Variants in MED13L observed in about 807,000 individuals in gnomAD.
The protein encoded by MED13L is mediator complex subunit 13L.
MED13L carries 7 observed loss-of-function variants against 220.9 expected under a neutral mutation model. That is an observed-to-expected ratio of 0.03 (90% CI 0.02 to 0.06). The LOEUF is 0.06. MED13L is among the 10% of genes least tolerant of loss of function. The pLI, the probability that MED13L is intolerant of heterozygous loss-of-function variation, is 1.00. For missense variants in MED13L, 1,965 were observed against 2,760.5 expected, an observed-to-expected ratio of 0.71 and a Z score of 6.46; for synonymous variants, 1,011 against 1,015.2, an observed-to-expected ratio of 1.00 and a Z score of 0.08.
intron 2 of MED13L, among the ~76,000 whole-genome samples, chr12:116,117,839 G>A (rs1004364971): frequency 3.9e-5 from 6 of 151,984 alleles, no homozygotes; most frequent in African/African-American, 7.2e-5. Context: ...ACAGGGTCTC[G>A]CTCTTTCACC....
chr12:115,972,980 C>G (rs558464697), intron 25 of MED13L, among the ~76,000 whole-genome samples: 1 of 152,126 alleles, frequency 6.6e-6, no homozygotes, highest in Non-Finnish European at 1.5e-5. Context: ...GCTTTCGGAT[C>G]CCATCTTGCT....
chr12:115,961,119 T>C lies in MED13L; in HGVS notation c.*147A>G, dbSNP rs1875728398. Reference sequence around the variant, plus strand: ...GGTAATGAACACTGCAGAATTGACATGTGCCTGCTGAGAAGGAATCACAGT... The same window carrying C: ...GGTAATGAACACTGCAGAATTGACACGTGCCTGCTGAGAAGGAATCACAGT... On this transcript the variant is annotated 3_prime_UTR_variant, in exon 31 of 31. Transcript: ENST00000281928. The C allele has an allele frequency of 1.9e-6, 2 of 1,044,584 alleles. No homozygotes were observed. Among genetic ancestry groups the C allele is most frequent in the Admixed American group, 1.9e-5 (1 of 51,530 alleles). 64.7% of individuals were successfully genotyped at this position (1,044,584 alleles called of 1,614,324 possible).
At chr12:116,150,253 C>G (rs1412185734) in intron 2 of MED13L, among the ~76,000 whole-genome samples, 1 of 152,214 alleles carries the variant, frequency 6.6e-6, no homozygotes, top group Non-Finnish European at 1.5e-5. Flanking sequence ...CAACATGTAA[C>G]AAACCACCAA....
chr12:116,112,730 A>G (rs189691513), intron 2 of MED13L, among the ~76,000 whole-genome samples: 10 of 152,374 alleles, frequency 6.6e-5, no homozygotes, highest in Admixed American at 6.5e-4. Flanking sequence ...TCTTTGCTTA[A>G]GACAGAACAT....
chr12:116,070,902 C>T (rs1870317165), intron 4 of MED13L, among the ~76,000 whole-genome samples: 2 of 152,128 alleles, frequency 1.3e-5, no homozygotes, highest in African/African-American at 4.8e-5. Context: ...AAATAATTGG[C>T]AGCTAATATT....
chr12:116,088,997 T>C (rs1871959973), intron 4 of MED13L, among the ~76,000 whole-genome samples: 1 of 152,120 alleles, frequency 6.6e-6, no homozygotes, highest in Non-Finnish European at 1.5e-5. Flanking sequence ...AGCAAAAATC[T>C]GTAAGCAATT....
chr12:116,222,574 G>C (rs1373607858), intron 2 of MED13L, among the ~76,000 whole-genome samples: 3 of 152,156 alleles, frequency 2.0e-5, no homozygotes, highest in Admixed American at 1.3e-4. Context: ...AATGATACAA[G>C]TACTCTTTGA....
intron 4 of MED13L, among the ~76,000 whole-genome samples, chr12:116,062,484 CTG>C (rs1399881775): frequency 2.3e-4 from 28 of 123,510 alleles, no homozygotes; most frequent in Admixed American, 1.2e-3. Flanking sequence ...CTCTCTCTCT[CTG>C]TGTTTTTTTT....
At position 116,183,820 on chromosome 12, in the gene MED13L, A is replaced by ATGTGTGTGTG. The variant is rs57716114; in HGVS notation, c.310+53638_310+53647dup. On this transcript the variant is annotated intron_variant, in intron 2 of 30. Coordinates refer to ENST00000281928, the MANE Select transcript of MED13L (RefSeq NM_015335.5). ...GAAAAAATGGTGTGTGTGTGTGTGT[A>ATGTGTGTGTG]TGTGTGTGTGTGTGTGTGTGTGTAA... Among the ~76,000 whole-genome samples the ATGTGTGTGTG allele has an allele frequency of 2.5e-3, 369 of 146,586 alleles. 5 individuals are homozygous for ATGTGTGTGTG. Among genetic ancestry groups the ATGTGTGTGTG allele is most frequent in the South Asian group, 0.016 (75 of 4,672 alleles).
intron 14 of MED13L, among the ~76,000 whole-genome samples, chr12:116,001,898 C>T (rs1169202673): frequency 6.6e-6 from 1 of 152,150 alleles, no homozygotes; most frequent in African/African-American, 2.4e-5. Flanking sequence ...AGGATGTCTG[C>T]GAGTGAAAAG....
chr12:116,213,036 T>C (rs200757495), intron 2 of MED13L, among the ~76,000 whole-genome samples: 45 of 152,302 alleles, frequency 3.0e-4, no homozygotes, highest in East Asian at 1.9e-3. Context: ...TACTAGCATC[T>C]AAAAAGTCTT....
At chr12:116,132,524 C>T (rs1043911994) in intron 2 of MED13L, among the ~76,000 whole-genome samples, 2 of 152,048 alleles carry the variant, frequency 1.3e-5, no homozygotes, top group Non-Finnish European at 2.9e-5. Flanking sequence ...ACTAAGTATG[C>T]TATTTCCACA....
Position 116,019,798 on chromosome 12 carries a change from A to G in MED13L, c.800T>C (p.Val267Ala), listed in dbSNP as rs1879945166. The G allele has an allele frequency of 6.2e-7, 1 of 1,613,988 alleles. No homozygotes were observed. Among genetic ancestry groups the G allele is most frequent in the Non-Finnish European group, 8.5e-7 (1 of 1,179,888 alleles). ...DELGYDDDFP[V>A]AVEVIVGGVR... ...CTTACCAACAATTACTTCAACTGCCACAGGGAAATCATCATCATATCCCAA... is the reference window on the plus strand; with the variant it reads ...CTTACCAACAATTACTTCAACTGCCGCAGGGAAATCATCATCATATCCCAA... Residue 267 changes from valine (V) to alanine (A), a missense_variant, in exon 6 of 31, where the codon GTG (valine) becomes GCG (alanine). By Grantham distance (64) the Val-to-Ala change is moderately conservative (BLOSUM62 0). Around this residue, in one of 10 missense-constraint regions of MED13L, gnomAD observed 818 missense variants for 1,041.2 expected, o/e 0.79. Transcript: ENST00000281928.
intron 1 of MED13L, among the ~76,000 whole-genome samples, chr12:116,249,023 A>G (rs534453395): frequency 3.3e-5 from 5 of 152,260 alleles, no homozygotes; most frequent in Non-Finnish European, 7.3e-5. Flanking sequence ...AAGAATATTC[A>G]GGAAAAAAGC....
intron 1 of MED13L, among the ~76,000 whole-genome samples, chr12:116,268,506 A>T (rs1283719270): frequency 1.3e-5 from 2 of 152,106 alleles, no homozygotes; most frequent in Non-Finnish European, 2.9e-5. Flanking sequence ...ATACTCAAAA[A>T]TACTTCCTCA....
intron 28 of MED13L, among the ~76,000 whole-genome samples, chr12:115,968,053 TC>T (rs57877420): frequency 0.25 from 10,163 of 40,582 alleles, 1,045 homozygotes; most frequent in Middle Eastern, 0.35. Context: ...GGAATAAAAG[TC>T]CCCCCCCCCC....
At chr12:116,095,233 C>T (rs1347342703) in intron 4 of MED13L, among the ~76,000 whole-genome samples, 2 of 152,102 alleles carry the variant, frequency 1.3e-5, no homozygotes, top group South Asian at 2.1e-4. Context: ...CGAATCTATA[C>T]ATATATATTT....
chr12:116,068,153 G>A (rs1870092395), intron 4 of MED13L, among the ~76,000 whole-genome samples: 1 of 152,090 alleles, frequency 6.6e-6, no homozygotes, highest in Admixed American at 6.5e-5. Context: ...ATAAGCTTCA[G>A]GGTACAGGGG....
At chr12:116,246,591 C>T (rs1382714095) in intron 1 of MED13L, among the ~76,000 whole-genome samples, 2 of 149,636 alleles carry the variant, frequency 1.3e-5, no homozygotes, top group East Asian at 3.9e-4. Context: ...GGCAGAAGGA[C>T]GACTTGACCT....
Sources: allele counts gnomAD v4.1 joint callset (sites outside exome capture counted in the v4.1 genomes callset), GRCh38; gene constraint gnomAD v4.1.1; regional missense constraint gnomAD v4.1.1; transcripts MANE v1.5; gene names NCBI Gene and HGNC (gene_info 2026-07-23, HGNC 2026-07-21).